Variants in DET1 observed in about 807,000 individuals in gnomAD.
DET1 encodes the protein DET1 partner of COP1 E3 ubiquitin ligase, also known as DET1 homolog.
DET1 carries 22 observed loss-of-function variants against 43.7 expected under a neutral mutation model. The ratio of observed to expected loss-of-function variants is 0.50; its 90% CI spans 0.36 to 0.72. The LOEUF is 0.72. DET1 is among the 30% of genes least tolerant of loss of function. The pLI is 0.00. For synonymous variants in DET1, 315 were observed against 266.2 expected (o/e 1.18, Z -1.79); for missense variants, 713 against 713.3 (o/e 1.00, Z 0.00).
At chr15:88,536,606 C>G (rs1361392950) in intron 1 of DET1, among the ~76,000 whole-genome samples, 1 of 151,594 alleles carries the variant, frequency 6.6e-6, no homozygotes, top group African/African-American at 2.4e-5. Flanking sequence ...AGTGAAACTC[C>G]ATCTCTACTA....
rs2056794998 is a variant in DET1 at position 88,530,939 on chromosome 15, A to G, written c.767T>C (p.Ile256Thr). Reference protein sequence around the residue: ...PEGTFIDVRTIGRFCYEDDLL... With the variant: ...PEGTFIDVRTTGRFCYEDDLL... Reference sequence around the variant, plus strand: ...GTCATCCTCATAGCAAAAGCGGCCAATGGTCCGCACATCAATGAAAGTGCC... The same window carrying G: ...GTCATCCTCATAGCAAAAGCGGCCAGTGGTCCGCACATCAATGAAAGTGCC... The change falls in exon 2 of 5, where the codon ATT (isoleucine) becomes ACT (threonine). Residue 256 changes from isoleucine (I) to threonine (T), a missense_variant. Coordinates refer to ENST00000268148, the MANE Select transcript of DET1 (RefSeq NM_001144074.3). The G allele has an allele frequency of 2.5e-6, 4 of 1,613,918 alleles. No homozygotes were observed. The highest frequency in any genetic ancestry group is 2.7e-5 in the African/African-American group (2 of 74,924).
Position 88,531,371 on chromosome 15 carries a change from C to A in DET1, c.335G>T (p.Arg112Leu). 2 of 1,614,016 alleles carry A rather than the reference C, an allele frequency of 1.2e-6. No individual in the cohort carries two copies. The highest frequency in any genetic ancestry group is 2.7e-5 in the African/African-American group (2 of 75,036). ...GEILSNGNDQ[R>L]SVNIRGRLFE... Reference sequence around the variant, plus strand: ...GAGCCGGCCCCGGATATTCACTGACCGCTGGTCATTGCCATTGGACAGGAT... The same window carrying A: ...GAGCCGGCCCCGGATATTCACTGACAGCTGGTCATTGCCATTGGACAGGAT... Residue 112 changes from arginine to leucine, a missense_variant, in exon 2 of 5, where the codon CGG becomes CTG. Physicochemically the swap from Arg to Leu is moderately radical, Grantham distance 102 (BLOSUM62 -2). Coordinates refer to ENST00000268148, the MANE Select transcript of DET1 (RefSeq NM_001144074.3). This position sits in a 1 kb window ranked among gnomAD's most constrained non-coding sequence, Gnocchi z 6.2.
intron 2 of DET1, among the ~76,000 whole-genome samples, chr15:88,529,462 C>T (rs1322169498): frequency 6.6e-6 from 1 of 152,114 alleles, no homozygotes; most frequent in African/African-American, 2.4e-5. Context: ...GTGACTTCAT[C>T]ATTGATAGGG....
intron 3 of DET1, among the ~76,000 whole-genome samples, chr15:88,519,398 A>G (rs1281722316): frequency 1.3e-5 from 2 of 151,652 alleles, no homozygotes; most frequent in African/African-American, 2.4e-5. Flanking sequence ...CTCAACCTCA[A>G]CTGCTTATTC....
At chr15:88,523,957 C>G (rs1219394385) in intron 3 of DET1, among the ~76,000 whole-genome samples, 1 of 149,344 alleles carries the variant, frequency 6.7e-6, no homozygotes, top group African/African-American at 2.5e-5. Flanking sequence ...AAGTGAGGAG[C>G]GTCTCCACCC....
chr15:88,539,171 T>A (rs2057029577), intron 1 of DET1, among the ~76,000 whole-genome samples: 1 of 151,954 alleles, frequency 6.6e-6, no homozygotes, highest in South Asian at 2.1e-4. Context: ...AAAACTGTTA[T>A]AAACTCTGTG....
intron 3 of DET1, among the ~76,000 whole-genome samples, chr15:88,519,267 C>G (rs1400491413): frequency 6.6e-6 from 1 of 152,146 alleles, no homozygotes; most frequent in South Asian, 2.1e-4. Context: ...TGTCTTCACA[C>G]TTTAGTTCCT....
intron 3 of DET1, 134 bp downstream of exon 3, chr15:88,527,465 C>A: frequency 4.0e-6 from 3 of 740,882 alleles, no homozygotes; most frequent in Non-Finnish European, 6.1e-6. Flanking sequence ...CAGGAAGAAA[C>A]AAGGGGTTAT....
chr15:88,537,329 G>A (rs896004972), intron 1 of DET1, among the ~76,000 whole-genome samples: 10 of 152,078 alleles, frequency 6.6e-5, no homozygotes, highest in Non-Finnish European at 8.8e-5. Flanking sequence ...GCAAACTACC[G>A]CCCTCAGCCC....
chr15:88,531,280 C>T lies in DET1; in HGVS notation c.426G>A (p.Arg142=), dbSNP rs970315389. The change falls in exon 2 of 5, where the codon CGG becomes CGA. Residue 142 remains arginine, a synonymous_variant. Transcript: ENST00000268148. This position sits in a 1 kb window ranked among gnomAD's most constrained non-coding sequence, Gnocchi z 6.2. The part of the protein sequence containing the change: ...NVAANGEHLN[R]ECSLFTDDCR... ...AGTCATCAGTGAAGAGACTACACTCCCGGTTCAGGTGCTCACCATTGGCCG... is the reference window on the plus strand; with the variant it reads ...AGTCATCAGTGAAGAGACTACACTCTCGGTTCAGGTGCTCACCATTGGCCG... 6.2e-7 allele frequency: 1 copy of T among 1,613,780 alleles called. No individual in the cohort carries two copies. Among genetic ancestry groups the T allele is most frequent in the Non-Finnish European group, 8.5e-7 (1 of 1,179,854 alleles).
At chr15:88,529,673 G>T (rs2056761559) in intron 2 of DET1, among the ~76,000 whole-genome samples, 1 of 152,218 alleles carries the variant, frequency 6.6e-6, no homozygotes, top group Non-Finnish European at 1.5e-5. Context: ...ACCAAACTCA[G>T]TTGACTTCGT....
downstream of DET1, among the ~76,000 whole-genome samples, chr15:88,507,710 C>T (rs2142245469): frequency 6.6e-6 from 1 of 152,318 alleles, no homozygotes; most frequent in South Asian, 2.1e-4. Flanking sequence ...TTCCACTATC[C>T]AGTGCCCTAT....
Position 88,516,918 on chromosome 15 carries a change from G to C in DET1, c.1327C>G (p.Arg443Gly). 1 of 1,609,008 alleles carries C rather than the reference G, an allele frequency of 6.2e-7. No homozygotes were observed. The highest frequency in any genetic ancestry group is 8.5e-7 in the Non-Finnish European group (1 of 1,177,710). ...CTGATGGGGAGCTGACCCAGCAGCC[G>C]GCGTACTGCCTCTGTGTGCCCTCCA... ...KYGGHTEAVR[R>G]LLGQLPISAQ... is the part of the protein sequence containing the mutation. Residue 443 changes from arginine (R) to glycine (G), a missense_variant, in exon 4 of 5, where the codon CGG (arginine) becomes GGG (glycine). Transcript: ENST00000268148. This position sits in a 1 kb window ranked among gnomAD's most constrained non-coding sequence, Gnocchi z 4.4.
downstream of DET1, among the ~76,000 whole-genome samples, chr15:88,509,759 C>T (rs1481927642): frequency 6.6e-6 from 1 of 152,252 alleles, no homozygotes; most frequent in Non-Finnish European, 1.5e-5. Flanking sequence ...AGGCACACTA[C>T]ATTTCCCAAG....
chr15:88,537,316 T>G (rs922283726), intron 1 of DET1, among the ~76,000 whole-genome samples: 2 of 151,862 alleles, frequency 1.3e-5, no homozygotes, highest in African/African-American at 4.8e-5. Flanking sequence ...AGAGCAAGAG[T>G]CTGCAAACTA....
chr15:88,532,778 C>G (rs1453333001), intron 1 of DET1, among the ~76,000 whole-genome samples: 1 of 152,114 alleles, frequency 6.6e-6, no homozygotes, highest in East Asian at 1.9e-4. Flanking sequence ...ACACCCTATA[C>G]AAAAATTAAC....
intron 3 of DET1, among the ~76,000 whole-genome samples, chr15:88,522,984 C>T: frequency 6.6e-6 from 1 of 151,522 alleles, no homozygotes; most frequent in Non-Finnish European, 1.5e-5. Context: ...CAGGCTCAAG[C>T]AATCTTCCTG....
chr15:88,545,845 A>G (rs1015207098), intron 1 of DET1, among the ~76,000 whole-genome samples: 3 of 150,812 alleles, frequency 2.0e-5, no homozygotes, highest in African/African-American at 7.4e-5. Context: ...AACTTGTGCA[A>G]GCTGACTCCC....
intron 3 of DET1, among the ~76,000 whole-genome samples, chr15:88,525,209 A>G (rs573179343): frequency 6.6e-6 from 1 of 152,332 alleles, no homozygotes; most frequent in South Asian, 2.1e-4. Context: ...GTGTTGGAAT[A>G]ACTTTAAGTA....
Sources: allele counts gnomAD v4.1 joint callset (sites outside exome capture counted in the v4.1 genomes callset), GRCh38; gene constraint gnomAD v4.1.1; non-coding constraint Gnocchi (gnomAD v3.1); transcripts MANE v1.5; gene names NCBI Gene and HGNC (gene_info 2026-07-23, HGNC 2026-07-21).